ABCA8: variants seen among roughly 807,000 people sequenced by gnomAD.
The protein encoded by ABCA8 is ATP binding cassette subfamily A member 8.
In ABCA8, 177 loss-of-function variants were observed where a neutral mutation model predicts 192.3. That is an observed-to-expected ratio of 0.92 (90% CI 0.81 to 1.04). The LOEUF (loss-of-function observed/expected upper bound fraction) is 1.04, where lower values mean the gene tolerates loss of function less well. ABCA8 is among the 50% of genes least tolerant of loss of function. ABCA8 has a pLI of 0.00. For missense variants in ABCA8, 1,915 were observed against 1,904.8 expected, an observed-to-expected ratio of 1.01 and a Z score of -0.10; for synonymous variants, 642 against 690.2, an observed-to-expected ratio of 0.93 and a Z score of 1.09.
intron 11 of ABCA8, among the ~76,000 whole-genome samples, chr17:68,923,206 AT>A (rs374039541): frequency 1.3e-3 from 196 of 145,972 alleles, no homozygotes; most frequent in African/African-American, 4.8e-3. Flanking sequence ...TATTATTATT[AT>A]TTTTTTTTTT....
At chr17:68,941,613 T>C (rs2068232061) in intron 3 of ABCA8, among the ~76,000 whole-genome samples, 2 of 152,260 alleles carry the variant, frequency 1.3e-5, no homozygotes, top group South Asian at 4.1e-4. Context: ...GTTTACCATA[T>C]CTTTGGAATG....
At chr17:68,941,892 G>A (rs544450940) in intron 3 of ABCA8, 47 bp downstream of exon 3, 62 of 1,372,700 alleles carry the variant, frequency 4.5e-5, no homozygotes, top group South Asian at 1.6e-4. Context: ...CAGGCAACAC[G>A]TATTTTCCTA....
chr17:68,907,673 T>G lies in ABCA8; in HGVS notation c.2278+67A>C, dbSNP rs1028146691. 8 of 1,352,278 alleles carry G rather than the reference T, an allele frequency of 5.9e-6. No individual in the cohort carries two copies. The East Asian group carries it at 2.0e-4, about 33-fold the overall frequency. 83.8% of individuals were successfully genotyped at this position (1,352,278 alleles called of 1,614,324 possible). A position where few individuals can be genotyped will look rare whatever the true frequency, so the allele number is the denominator to read the frequency against. On this transcript the variant is annotated intron_variant, in intron 18 of 39. Transcript: ENST00000586539. ...AGACATTGATAAATGTTAGTTGTAATGATAATAATTATGATGATGATGACT... is the reference window on the plus strand; with the variant it reads ...AGACATTGATAAATGTTAGTTGTAAGGATAATAATTATGATGATGATGACT...
chr17:68,886,073 T>C (rs963912984), intron 26 of ABCA8, among the ~76,000 whole-genome samples: 4 of 152,152 alleles, frequency 2.6e-5, no homozygotes, highest in Non-Finnish European at 5.9e-5. Context: ...CAGAAAGTGA[T>C]AGGTACACTG....
At chr17:68,954,142 C>T (rs2068648412) in intron 1 of ABCA8, among the ~76,000 whole-genome samples, 1 of 150,528 alleles carries the variant, frequency 6.6e-6, no homozygotes, top group Non-Finnish European at 1.5e-5. Flanking sequence ...CCCACTAACT[C>T]GTCATCTAGC....
At chr17:68,871,488 C>G (rs1428610806) in intron 37 of ABCA8, among the ~76,000 whole-genome samples, 1 of 152,158 alleles carries the variant, frequency 6.6e-6, no homozygotes, top group African/African-American at 2.4e-5. Context: ...ATTTGCATTT[C>G]CCTGATGACT....
chr17:68,904,758 GGAGA>G (rs1026873117), intron 19 of ABCA8, among the ~76,000 whole-genome samples: 50 of 152,234 alleles, frequency 3.3e-4, no homozygotes, highest in African/African-American at 1.2e-3. Context: ...TCAGAAAAAC[GGAGA>G]GAGAAACACA....
At chr17:68,947,840 C>T (rs974496341) in intron 2 of ABCA8, among the ~76,000 whole-genome samples, 1 of 152,116 alleles carries the variant, frequency 6.6e-6, no homozygotes, top group Admixed American at 6.5e-5. Flanking sequence ...AACCCGTCAT[C>T]TAGGTTTTAA....
intron 24 of ABCA8, among the ~76,000 whole-genome samples, chr17:68,888,486 A>T (rs1216669244): frequency 6.6e-6 from 1 of 152,212 alleles, no homozygotes; most frequent in Non-Finnish European, 1.5e-5. Flanking sequence ...GCCTCACAAC[A>T]TCAGACACAG....
chr17:68,922,239 T>TA lies in ABCA8; in HGVS notation c.1501+2dup, dbSNP rs756388224. Reference sequence around the variant, plus strand: ...TTTTTTTTTTTTTTTTTTTTTTTTTTACCTTTCAAGGCTTCTATTTTATCA... The same window carrying TA: ...TTTTTTTTTTTTTTTTTTTTTTTTTTAACCTTTCAAGGCTTCTATTTTATCA... On this transcript the variant is annotated splice_region_variant and intron_variant, in intron 12 of 39. Coordinates refer to ENST00000586539, the MANE Select transcript of ABCA8 (RefSeq NM_001288985.2). 7 of 509,194 alleles carry TA rather than the reference T, an allele frequency of 1.4e-5. No homozygotes were observed. Among genetic ancestry groups the TA allele is most frequent in the African/African-American group, 1.1e-4 (4 of 36,056 alleles). 31.5% of individuals were successfully genotyped at this position (509,194 alleles called of 1,614,324 possible).
chr17:68,878,996 A>G (rs910876924), intron 32 of ABCA8: 2 of 152,212 alleles, frequency 1.3e-5, no homozygotes. Flanking sequence ...TTCTTTGTAA[A>G]AGAGTTCTTA....
intron 2 of ABCA8, among the ~76,000 whole-genome samples, chr17:68,946,075 A>AATTG (rs1224568421): frequency 6.6e-6 from 1 of 151,606 alleles, no homozygotes; most frequent in African/African-American, 2.4e-5. Flanking sequence ...TTAATTAATT[A>AATTG]ATTAATTTTT....
At chr17:68,934,019 T>G (rs1050468547) in intron 5 of ABCA8, among the ~76,000 whole-genome samples, 1 of 152,172 alleles carries the variant, frequency 6.6e-6, no homozygotes, top group African/African-American at 2.4e-5. Context: ...GCACCAAGTT[T>G]CTAACTAGCT....
At chr17:68,938,583 G>A (rs2068138723) in intron 4 of ABCA8, among the ~76,000 whole-genome samples, 1 of 152,034 alleles carries the variant, frequency 6.6e-6, no homozygotes, top group Non-Finnish European at 1.5e-5. Flanking sequence ...TTTAAAAATT[G>A]GGATGTAATT....
chr17:68,923,750 G>A (rs1253402211), intron 11 of ABCA8, among the ~76,000 whole-genome samples: 1 of 152,198 alleles, frequency 6.6e-6, no homozygotes, highest in African/African-American at 2.4e-5. Flanking sequence ...CTCCTTAGAA[G>A]TTCAGCAACC....
chr17:68,880,756 ACCG>A, intron 32 of ABCA8: 1 of 281,116 alleles, frequency 3.6e-6, no homozygotes, highest in Non-Finnish European at 6.8e-6. Flanking sequence ...CACACCCATC[ACCG>A]CTATGCACCT....
At chr17:68,907,710 AT>A in intron 18 of ABCA8, 29 bp downstream of exon 18, 1 of 1,529,276 alleles carries the variant, frequency 6.5e-7, no homozygotes, top group Non-Finnish European at 8.8e-7. Flanking sequence ...TTATTCACAT[AT>A]TTTATTTCAC....
At chr17:68,929,459 C>G in intron 8 of ABCA8, 102 bp downstream of exon 8, 4 of 1,337,708 alleles carry the variant, frequency 3.0e-6, no homozygotes, top group Non-Finnish European at 4.1e-6. Context: ...CACATGCAAA[C>G]AGAGTAGGTA....
intron 23 of ABCA8, 173 bp downstream of exon 23, chr17:68,894,000 T>C: frequency 1.5e-6 from 1 of 669,846 alleles, no homozygotes; most frequent in Non-Finnish European, 2.5e-6. Flanking sequence ...TTAAACAAAT[T>C]GAAGCTCTGA....
Sources: gnomAD v4.1 joint callset for allele counts (sites outside exome capture counted in the v4.1 genomes callset) on GRCh38, gnomAD v4.1.1 for gene constraint, MANE v1.5 for transcripts, NCBI Gene and HGNC (gene_info 2026-07-23, HGNC 2026-07-21) for gene names.